The following CHN2 variants were observed in gnomAD, a reference collection of about 807,000 sequenced individuals.
CHN2 encodes the protein beta-chimaerin.
Under a neutral mutation model 56.3 loss-of-function variants are expected in CHN2, and 35 were observed. The observed-to-expected ratio is 0.62, with a 90% CI of 0.47 to 0.82. CHN2 has a LOEUF of 0.82. Ranked by LOEUF, CHN2 falls within the 40% of genes least tolerant of loss-of-function variation. The pLI, the probability that CHN2 is intolerant of heterozygous loss-of-function variation, is 0.00. For missense variants in CHN2, 491 were observed against 580.5 expected, an observed-to-expected ratio of 0.85 and a Z score of 1.58; for synonymous variants, 210 against 212.8, an observed-to-expected ratio of 0.99 and a Z score of 0.12.
intron 2 of CHN2, among the ~76,000 whole-genome samples, chr7:29,188,282 C>G (rs1261709691): frequency 6.6e-6 from 1 of 151,958 alleles, no homozygotes; most frequent in Non-Finnish European, 1.5e-5. Context: ...TTTTAGAGAC[C>G]AAGAATATAA....
chr7:29,458,189 G>T (rs1425103893), intron 6 of CHN2, among the ~76,000 whole-genome samples: 1 of 152,092 alleles, frequency 6.6e-6, no homozygotes, highest in Non-Finnish European at 1.5e-5. Flanking sequence ...TGTTTTCATA[G>T]GTGTGGTTAG....
At chr7:29,504,621 T>C in intron 9 of CHN2, 123 bp from the exon 10 acceptor site, 1 of 632,262 alleles carries the variant, frequency 1.6e-6, no homozygotes, top group Non-Finnish European at 2.7e-6. Context: ...GTGTGATAAA[T>C]AAAATCACTG....
intron 6 of CHN2, among the ~76,000 whole-genome samples, chr7:29,407,901 C>T (rs1016945576): frequency 6.6e-6 from 1 of 152,130 alleles, no homozygotes; most frequent in Non-Finnish European, 1.5e-5. Context: ...TAAAAAAATG[C>T]CCATGGCCGG....
chr7:29,408,549 G>T (rs975484335), intron 6 of CHN2, among the ~76,000 whole-genome samples: 1 of 152,120 alleles, frequency 6.6e-6, no homozygotes, highest in African/African-American at 2.4e-5. Flanking sequence ...AGTTAACTCT[G>T]GTGGCTACAG....
intron 2 of CHN2, among the ~76,000 whole-genome samples, chr7:29,173,046 G>A (rs1264780504): frequency 1.3e-5 from 2 of 151,124 alleles, no homozygotes; most frequent in Non-Finnish European, 2.9e-5. Context: ...AAGGAGAATC[G>A]CTTGAACCCA....
chr7:29,175,007 G>T (rs371717926), intron 2 of CHN2, among the ~76,000 whole-genome samples: 1 of 152,008 alleles, frequency 6.6e-6, no homozygotes, highest in East Asian at 1.9e-4. Context: ...ATAATGATAT[G>T]GTTTGGCTGT....
intron 3 of CHN2, among the ~76,000 whole-genome samples, chr7:29,369,287 C>T (rs77423710): frequency 6.6e-6 from 1 of 151,908 alleles, no homozygotes; most frequent in African/African-American, 2.4e-5. Context: ...TGAAAAAAAA[C>T]TTTGTAAAAT....
intron 12 of CHN2, among the ~76,000 whole-genome samples, chr7:29,509,908 G>GCTGATGC (rs1206398036): frequency 6.6e-6 from 1 of 151,912 alleles, no homozygotes; most frequent in Non-Finnish European, 1.5e-5. Flanking sequence ...TTGTGAGATT[G>GCTGATGC]CTGATGCCTG....
intron 7 of CHN2, among the ~76,000 whole-genome samples, chr7:29,482,238 C>T (rs142057235): frequency 3.7e-4 from 57 of 152,270 alleles, no homozygotes; most frequent in African/African-American, 8.4e-4. Context: ...CAGACAGGAG[C>T]GTTTCTCTTC....
chr7:29,379,450 A>G (rs963059457), intron 3 of CHN2, among the ~76,000 whole-genome samples: 8 of 152,264 alleles, frequency 5.3e-5, no homozygotes, highest in African/African-American at 1.4e-4. Flanking sequence ...TTGTATGCCA[A>G]TGCCTTTGAG....
At chr7:29,483,755 C>A (rs888147034) in intron 7 of CHN2, 4 of 1,053,828 alleles carry the variant, frequency 3.8e-6, no homozygotes, top group Non-Finnish European at 4.8e-6. Flanking sequence ...TGAAAATCTT[C>A]AGGCCAGCCA....
upstream of CHN2, chr7:29,193,575 A>T (rs1254298110): frequency 6.6e-6 from 1 of 152,114 alleles, no homozygotes; most frequent in Non-Finnish European, 1.5e-5. Flanking sequence ...TTGCTTTAGG[A>T]TTGAAAGAAC....
intron 1 of CHN2, among the ~76,000 whole-genome samples, chr7:29,281,752 A>G (rs1584952882): frequency 6.6e-6 from 1 of 152,192 alleles, no homozygotes; most frequent in Non-Finnish European, 1.5e-5. Context: ...CAGGGGAGAC[A>G]CCGTACAGCC....
chr7:29,392,713 C>T (rs1246814297), intron 3 of CHN2, among the ~76,000 whole-genome samples: 6 of 152,234 alleles, frequency 3.9e-5, no homozygotes, highest in Non-Finnish European at 7.4e-5. Context: ...GGAAACTGCC[C>T]CATATCATGA....
At chr7:29,469,252 A>C (rs546485257) in intron 6 of CHN2, among the ~76,000 whole-genome samples, 1 of 152,286 alleles carries the variant, frequency 6.6e-6, no homozygotes, top group East Asian at 1.9e-4. Flanking sequence ...ACCCTCATCC[A>C]AGCCACTGTC....
intron 1 of CHN2, among the ~76,000 whole-genome samples, chr7:29,332,414 C>G (rs1389219844): frequency 6.6e-6 from 1 of 152,152 alleles, no homozygotes; most frequent in Non-Finnish European, 1.5e-5. Flanking sequence ...GTTCAACTTA[C>G]AATTTTTTTA....
At chr7:29,442,147 A>T (rs191566521) in intron 6 of CHN2, among the ~76,000 whole-genome samples, 25 of 152,370 alleles carry the variant, frequency 1.6e-4, no homozygotes, top group African/African-American at 5.8e-4. Flanking sequence ...TGAACTTTGA[A>T]TTGTATACTT....
intron 2 of CHN2, among the ~76,000 whole-genome samples, chr7:29,174,515 T>C (rs1016303024): frequency 6.6e-6 from 1 of 151,936 alleles, no homozygotes; most frequent in Non-Finnish European, 1.5e-5. Flanking sequence ...GGATGGAACA[T>C]GGTAGAGTGG....
chr7:29,230,175 T>A (rs1786559976), intron 1 of CHN2, among the ~76,000 whole-genome samples: 1 of 152,178 alleles, frequency 6.6e-6, no homozygotes, highest in Non-Finnish European at 1.5e-5. Flanking sequence ...TTTAGAAGGC[T>A]ATCTAAGATC....
Sources: gnomAD v4.1 joint callset for allele counts (sites outside exome capture counted in the v4.1 genomes callset) on GRCh38, gnomAD v4.1.1 for gene constraint, MANE v1.5 for transcripts, NCBI Gene and HGNC (gene_info 2026-07-23, HGNC 2026-07-21) for gene names.